UROC1: variants seen among roughly 807,000 people sequenced by gnomAD.
The protein encoded by UROC1 is urocanate hydratase.
A neutral mutation model predicts 89.5 loss-of-function variants in UROC1; 79 were observed. That is an observed-to-expected ratio of 0.88 (90% CI 0.74 to 1.06). The LOEUF (loss-of-function observed/expected upper bound fraction) is 1.06. Among genes scored for constraint, UROC1 ranks in the 50% least tolerant of loss-of-function variants. UROC1 has a pLI of 0.00. For synonymous variants in UROC1, 361 were observed against 354.8 expected (o/e 1.02, Z -0.20); for missense variants, 885 against 907.8 (o/e 0.97, Z 0.32).
At chr3:126,493,191 C>T (rs1161106847) in intron 15 of UROC1, among the ~76,000 whole-genome samples, 1 of 151,998 alleles carries the variant, frequency 6.6e-6, no homozygotes, top group Non-Finnish European at 1.5e-5. Context: ...GGTCCTCAAG[C>T]AGGATGACAT....
chr3:126,500,693 A>G lies in UROC1; in HGVS notation c.1145+2T>C, dbSNP rs746802188. The G allele has an allele frequency of 3.1e-6, 5 of 1,614,026 alleles. No homozygotes were observed. In the South Asian group the frequency reaches 5.5e-5, roughly 18 times the overall value. On this transcript the variant is annotated splice_donor_variant, in intron 11 of 19. Transcript: ENST00000290868. LOFTEE classifies it high-confidence loss of function. Reference sequence around the variant, plus strand: ...TCTGCCACCCCCAACTCCAAGTAGCACCTTTCCTGGACCAGGTCCTTGAAC... The same window carrying G: ...TCTGCCACCCCCAACTCCAAGTAGCGCCTTTCCTGGACCAGGTCCTTGAAC...
chr3:126,508,665 C>A (rs1020386069), intron 3 of UROC1, among the ~76,000 whole-genome samples, 190 bp from the exon 4 acceptor site: 5 of 152,122 alleles, frequency 3.3e-5, no homozygotes, highest in Admixed American at 6.5e-5. Context: ...AAGGGTTCAG[C>A]TTGGGGTCAG....
chr3:126,504,353 A>C (rs1276200457), intron 8 of UROC1, among the ~76,000 whole-genome samples: 1 of 152,202 alleles, frequency 6.6e-6, no homozygotes, highest in African/African-American at 2.4e-5. Flanking sequence ...GGACTTGTCC[A>C]CGATCTCCAT....
rs1008268643 is a variant in UROC1, at chr3:126,483,466, C to T, written c.1793G>A (p.Gly598Asp). 1.2e-6 allele frequency: 2 copies of T among 1,613,818 alleles called. No homozygotes were observed. The highest frequency in any genetic ancestry group is 1.7e-6 in the Non-Finnish European group (2 of 1,179,984). ...GCCGAATCCCCCGTTGATCACCTCACCCCTGCAGGAGGCAGAGGAGTTTCC... is the reference window on the plus strand; with the variant it reads ...GCCGAATCCCCCGTTGATCACCTCATCCCTGCAGGAGGCAGAGGAGTTTCC... ...ALHNGGGVGW[G>D]EVINGGFGLV... Residue 598 changes from glycine to aspartate, a missense_variant and splice_region_variant, in exon 19 of 20, where the codon GGT becomes GAT. Physicochemically the swap from Gly to Asp is moderately conservative, Grantham distance 94. Coordinates refer to ENST00000290868, the MANE Select transcript of UROC1 (RefSeq NM_144639.3).
At chr3:126,492,663 G>A (rs1935682651) in intron 15 of UROC1, 147 bp from the exon 16 acceptor site, 1 of 710,568 alleles carries the variant, frequency 1.4e-6, no homozygotes, top group East Asian at 2.7e-5. Context: ...GGACCCCCAG[G>A]GTGCATGGTA....
At chr3:126,495,208 C>T (rs1177510787) in intron 15 of UROC1, among the ~76,000 whole-genome samples, 1 of 152,192 alleles carries the variant, frequency 6.6e-6, no homozygotes, top group Admixed American at 6.5e-5. Context: ...ATAAAATATA[C>T]ATACATAAAA....
At chr3:126,499,972 T>G in intron 12 of UROC1, 85 bp downstream of exon 12, 1 of 1,327,684 alleles carries the variant, frequency 7.5e-7, no homozygotes, top group Non-Finnish European at 1.1e-6. Flanking sequence ...CACCTCCGAG[T>G]GAGGTGGGAG....
chr3:126,494,960 A>G (rs1032795077), intron 15 of UROC1, among the ~76,000 whole-genome samples: 1 of 151,898 alleles, frequency 6.6e-6, no homozygotes, highest in African/African-American at 2.4e-5. Flanking sequence ...CACTGCCACC[A>G]CCGTCTCCGC....
In UROC1 at chr3:126,488,229, C is replaced by T. The variant is rs771796599; in HGVS notation, c.1759G>A (p.Val587Ile). The T allele has an allele frequency of 6.2e-7, 1 of 1,614,254 alleles. No homozygotes were observed. Residue 587 changes from valine (V) to isoleucine (I), a missense_variant, in exon 18 of 20, where the codon GTC becomes ATC. By Grantham distance (29) the Val-to-Ile change is conservative. Coordinates refer to ENST00000290868, the MANE Select transcript of UROC1 (RefSeq NM_144639.3). ...ACGCCCCCTCCGTTGTGAAGGGCGA[C>T]CCAGGTGGCTCCGCGACAGGCATCT... ...VGDACRGATW[V>I]ALHNGGGVGW...
Position 126,496,052 on chromosome 3 carries a change from C to G in UROC1, c.1495G>C (p.Ala499Pro), listed in dbSNP as rs748680790. 1 of 1,613,218 alleles carries G rather than the reference C, an allele frequency of 6.2e-7. No homozygotes were observed. The highest frequency in any genetic ancestry group is 1.1e-5 in the South Asian group (1 of 90,960). ...MDNIRWIREA[A>P]RHRLVVGSQA... Reference sequence around the variant, plus strand: ...TGGGCCCTCACCAGCCGGTGCCTGGCGGCCTCCCGGATCCAGCGGATGTTG... The same window carrying G: ...TGGGCCCTCACCAGCCGGTGCCTGGGGGCCTCCCGGATCCAGCGGATGTTG... Residue 499 changes from alanine to proline, a missense_variant, in exon 15 of 20, where the codon GCC becomes CCC. By Grantham distance (27) the Ala-to-Pro change is conservative. Coordinates refer to ENST00000290868, the MANE Select transcript of UROC1 (RefSeq NM_144639.3).
At chr3:126,513,008 C>T (rs1936227036) in intron 1 of UROC1, among the ~76,000 whole-genome samples, 2 of 152,250 alleles carry the variant, frequency 1.3e-5, no homozygotes, top group Non-Finnish European at 2.9e-5. Context: ...GAAGCTAATA[C>T]AGGCAGTAAC....
intron 18 of UROC1, among the ~76,000 whole-genome samples, chr3:126,487,603 C>G (rs556612466): frequency 2.0e-5 from 3 of 152,220 alleles, no homozygotes; most frequent in Non-Finnish European, 4.4e-5. Context: ...TGTCCTCCCT[C>G]CGAAGCTGCA....
chr3:126,516,254 C>T (rs1240795625), intron 1 of UROC1, among the ~76,000 whole-genome samples: 1 of 3,186 alleles, frequency 3.1e-4, no homozygotes, highest in Non-Finnish European at 5.3e-4. Flanking sequence ...CACCTACCCA[C>T]CCCCTCATCA....
chr3:126,502,035 G>A (rs1284797450), intron 9 of UROC1: 7 of 1,404,672 alleles, frequency 5.0e-6, no homozygotes, highest in African/African-American at 1.4e-5. Flanking sequence ...CAGGTTGCTC[G>A]AGACAGTTCC....
In UROC1 at chr3:126,486,232, G is replaced by A. The variant is rs372590808; in HGVS notation, c.1790+1966C>T. Reference sequence around the variant, plus strand: ...CTAGAGGCTGCCCGAGTGGGCCCTCGGTGGCCACTGGAACTGACCCTCTCA... The same window carrying A: ...CTAGAGGCTGCCCGAGTGGGCCCTCAGTGGCCACTGGAACTGACCCTCTCA... On this transcript the variant is annotated intron_variant, in intron 18 of 19. Transcript: ENST00000290868. Among the ~76,000 whole-genome samples, 33 of 152,360 alleles carry A rather than the reference G, an allele frequency of 2.2e-4. No homozygotes were observed. The South Asian group carries it at 5.2e-3, about 24-fold the overall frequency.
intron 18 of UROC1, among the ~76,000 whole-genome samples, chr3:126,487,591 G>A (rs1480069756): frequency 6.6e-6 from 1 of 152,166 alleles, no homozygotes; most frequent in African/African-American, 2.4e-5. Flanking sequence ...GGCAGGGGGC[G>A]TTGTCCTCCC....
At chr3:126,507,101 A>C (rs1187920990) in intron 6 of UROC1, among the ~76,000 whole-genome samples, 7 of 152,182 alleles carry the variant, frequency 4.6e-5, no homozygotes, top group Non-Finnish European at 1.0e-4. Flanking sequence ...AAAAAGAAAT[A>C]GTTTGCATTA....
chr3:126,484,654 C>T (rs1179381175), intron 18 of UROC1, among the ~76,000 whole-genome samples: 1 of 152,216 alleles, frequency 6.6e-6, no homozygotes, highest in Non-Finnish European at 1.5e-5. Flanking sequence ...CAGCCACCTA[C>T]ACTCCCCATT....
intron 15 of UROC1, among the ~76,000 whole-genome samples, chr3:126,493,838 A>T (rs1463797272): frequency 1.3e-5 from 2 of 152,244 alleles, no homozygotes; most frequent in Non-Finnish European, 2.9e-5. Context: ...TCCAAAGAAG[A>T]TGCAGGTGTC....
Sources: gnomAD v4.1 joint callset for allele counts (sites outside exome capture counted in the v4.1 genomes callset) on GRCh38, gnomAD v4.1.1 for gene constraint, MANE v1.5 for transcripts, NCBI Gene and HGNC (gene_info 2026-07-23, HGNC 2026-07-21) for gene names.